RIF1: variants seen among roughly 807,000 people sequenced by gnomAD.
RIF1 encodes the protein replication timing regulatory factor 1.
Under a neutral mutation model 247.1 loss-of-function variants are expected in RIF1, and 45 were observed. That is an observed-to-expected ratio of 0.18 (90% CI 0.14 to 0.23). The LOEUF is 0.23. Ranked by LOEUF, RIF1 falls within the 10% of genes least tolerant of loss-of-function variation. The pLI is 1.00. For synonymous variants in RIF1, 1,087 were observed against 978.8 expected, an observed-to-expected ratio of 1.11 and a Z score of -2.06; for missense variants, 2,967 against 2,862.5, an observed-to-expected ratio of 1.04 and a Z score of -0.83.
chr2:151,422,012 A>G (rs1688262650), intron 7 of RIF1, among the ~76,000 whole-genome samples: 1 of 151,446 alleles, frequency 6.6e-6, no homozygotes, highest in African/African-American at 2.4e-5. Context: ...TTGTATTTTT[A>G]GTAGAGATGG....
chr2:151,456,497 CT>C lies in RIF1; in HGVS notation c.2610-76del. On this transcript the variant is annotated intron_variant, in intron 22 of 35. Coordinates refer to ENST00000444746, the MANE Select transcript of RIF1 (RefSeq NM_018151.5). ...TTTATATTTATTATGTCTTTATTAC[CT>C]TTTTCTTAGGATTAGCTTGATAGAT... 4 of 758,336 alleles carry C rather than the reference CT, an allele frequency of 5.3e-6. No individual in the cohort carries two copies. The Admixed American group carries it at 8.5e-5, about 16-fold the overall frequency. The allele number at this position is 758,336 out of a possible 1,614,324, so 47.0% of individuals were successfully genotyped here.
Position 151,456,756 on chromosome 2 carries a change from G to A in RIF1, c.2652+136G>A, listed in dbSNP as rs867571615. 60 of 523,218 alleles carry A rather than the reference G, an allele frequency of 1.1e-4. No individual in the cohort carries two copies. In the South Asian group the frequency reaches 1.6e-3, roughly 14 times the overall value. The allele number at this position is 523,218 out of a possible 1,614,324, so 32.4% of individuals were successfully genotyped here. A position where few individuals can be genotyped will look rare whatever the true frequency, so the allele number is the denominator to read the frequency against. The stretch of plus-strand genomic sequence containing the variant: ...TTTCTTTCTTTTTTTCCTGGAGACA[G>A]CATTTTGCTCTTGTCACCCAAGCTG... On this transcript the variant is annotated intron_variant, in intron 23 of 35. Coordinates refer to ENST00000444746, the MANE Select transcript of RIF1 (RefSeq NM_018151.5).
chr2:151,524,947 T>A, the RIF1 span, among the ~76,000 whole-genome samples: 1 of 152,170 alleles, frequency 6.6e-6, no homozygotes, highest in Non-Finnish European at 1.5e-5. Flanking sequence ...ATTATAGGCA[T>A]GAGCCACCAC....
chr2:151,522,810 C>G, the RIF1 span, among the ~76,000 whole-genome samples: 1 of 152,210 alleles, frequency 6.6e-6, no homozygotes, highest in African/African-American at 2.4e-5. Context: ...GCCGTGCCCT[C>G]TCCTTTGGCC....
the RIF1 span, among the ~76,000 whole-genome samples, chr2:151,528,987 C>T: frequency 6.6e-6 from 1 of 152,194 alleles, no homozygotes; most frequent in Non-Finnish European, 1.5e-5. Context: ...GGTGTAGCAT[C>T]CATGGCATGG....
rs778085124 is a variant in RIF1, at chr2:151,454,887, G to GT, written c.2345-3dup. ...TGAGTTTTTAATTAATTCAGTTTTT[G>GT]TTTTTAGCACCACAGAGACCTTCAG... On this transcript the variant is annotated splice_region_variant and splice_polypyrimidine_tract_variant and intron_variant, in intron 21 of 35. Coordinates refer to ENST00000444746, the MANE Select transcript of RIF1 (RefSeq NM_018151.5). The GT allele has an allele frequency of 5.2e-6, 8 of 1,544,186 alleles. No individual in the cohort carries two copies. In the South Asian group the frequency reaches 6.3e-5, roughly 12 times the overall value.
chr2:151,494,096 G>C, intron 9 of RIF1: 4 of 1,343,418 alleles, frequency 3.0e-6, no homozygotes, highest in Non-Finnish European at 4.2e-6. Context: ...ACAGGGTTAG[G>C]AGCAGGCCAA....
In RIF1 at chr2:151,463,977, A is replaced by C. The variant is rs762937710; in HGVS notation, c.4457A>C (p.His1486Pro). The C allele has an allele frequency of 1.2e-6, 2 of 1,608,450 alleles. No homozygotes were observed. Among genetic ancestry groups the C allele is most frequent in the Admixed American group, 1.7e-5 (1 of 58,516 alleles). Residue 1486 changes from histidine (H) to proline (P), a missense_variant, in exon 30 of 36, where the codon CAT becomes CCT. This residue lies in a region of RIF1 where 2,028 missense variants were observed against 1,825.6 expected (regional missense o/e 1.11). Transcript: ENST00000444746. ...TTAATTGAGAAAGGAAGTAATTTAC[A>C]TGAGAAGACTCTTGGGGAAACTAGT... ...ENLIEKGSNL[H>P]EKTLGETSAN...
At chr2:151,503,395 G>A in intron 12 of RIF1, 2 of 1,612,884 alleles carry the variant, frequency 1.2e-6, no homozygotes, top group South Asian at 2.2e-5. Flanking sequence ...AATCTCTGGA[G>A]TCACAGTGGT....
At chr2:151,438,819 G>A in intron 14 of RIF1, 73 bp downstream of exon 14, 1 of 887,930 alleles carries the variant, frequency 1.1e-6, no homozygotes, top group Non-Finnish European at 1.9e-6. Flanking sequence ...ATAGCATCCG[G>A]TGAATTGTTT....
intron 13 of RIF1, 61 bp downstream of exon 13, chr2:151,437,412 C>G (rs968499948): frequency 7.9e-7 from 1 of 1,273,078 alleles, no homozygotes; most frequent in Non-Finnish European, 1.1e-6. Context: ...AAAAATAGGC[C>G]AGTCACAGTA....
Position 151,507,621 on chromosome 2 carries a change from CTCTA to C in RIF1, c.*1028-105_*1028-102del, listed in dbSNP as rs373850463. On this transcript the variant is annotated intron_variant and NMD_transcript_variant, in intron 13 of 13. Coordinates refer to the RIF1 transcript ENST00000454583. Reference sequence around the variant, plus strand: ...TCTTTGTCCAATCACACTTCCGCATCTCTATCCATAAAAATACACATATTTCCCT... The same window carrying C: ...TCTTTGTCCAATCACACTTCCGCATCTCCATAAAAATACACATATTTCCCT... 45 of 214,554 alleles carry C rather than the reference CTCTA, an allele frequency of 2.1e-4. No individual in the cohort carries two copies. In the East Asian group the frequency reaches 3.4e-3, roughly 16 times the overall value. 13.3% of individuals were successfully genotyped at this position (214,554 alleles called of 1,614,324 possible). A position where few individuals can be genotyped will look rare whatever the true frequency, so the allele number is the denominator to read the frequency against.
Position 151,475,193 on chromosome 2 carries a change from A to G in RIF1, c.*122A>G, listed in dbSNP as rs2048868764. ...CTCTTTGCAAAGTTGATAACATTTC[A>G]AACCCTGAAGGACAGTGACTTATTA... On this transcript the variant is annotated 3_prime_UTR_variant, in exon 36 of 36. Transcript: ENST00000444746. The G allele has an allele frequency of 1.4e-6, 1 of 709,582 alleles. No individual in the cohort carries two copies. The highest frequency in any genetic ancestry group is 1.8e-5 in the African/African-American group (1 of 56,004). The allele number at this position is 709,582 out of a possible 1,614,324, so 44.0% of individuals were successfully genotyped here.
chr2:151,424,676 C>T (rs972139629), intron 8 of RIF1, among the ~76,000 whole-genome samples: 2 of 151,442 alleles, frequency 1.3e-5, no homozygotes, highest in Non-Finnish European at 2.9e-5. Flanking sequence ...GCTCCAAACT[C>T]TTTTTTTGAG....
At chr2:151,524,573 GT>G in the RIF1 span, 1 of 1,607,832 alleles carries the variant, frequency 6.2e-7, no homozygotes, top group Non-Finnish European at 8.5e-7. Flanking sequence ...ATCAGCCACT[GT>G]GGTGTAATGC....
chr2:151,510,857 A>C (rs1013712014), downstream of RIF1, among the ~76,000 whole-genome samples: 6 of 152,352 alleles, frequency 3.9e-5, no homozygotes, highest in South Asian at 1.2e-3. Flanking sequence ...GTCAGCTTAC[A>C]TTGCTTGTAT....
At chr2:151,483,813 C>A (rs758533528), downstream of RIF1, among the ~76,000 whole-genome samples, 1 of 152,076 alleles carries the variant, frequency 6.6e-6, no homozygotes, top group African/African-American at 2.4e-5. Context: ...GCTCACTGGC[C>A]GCAGTAAATT....
In RIF1 at chr2:151,482,123, A is replaced by AT. The variant is rs35548873; in HGVS notation, c.*7059dup. The AT allele has an allele frequency of 1.3e-5, 2 of 152,170 alleles. No individual in the cohort carries two copies. The highest frequency in any genetic ancestry group is 2.9e-5 in the Non-Finnish European group (2 of 68,020). The allele number at this position is 152,170 out of a possible 1,614,324, so 9.4% of individuals were successfully genotyped here. A position where few individuals can be genotyped will look rare whatever the true frequency, so the allele number is the denominator to read the frequency against. ...GCCAATGGAAACTGGATATTGAAACATTTTTTTAAGAAATGCACTTTTACC... is the reference window on the plus strand; with the variant it reads ...GCCAATGGAAACTGGATATTGAAACATTTTTTTTAAGAAATGCACTTTTACC... On this transcript the variant is annotated 3_prime_UTR_variant, in exon 36 of 36. Coordinates refer to ENST00000444746, the MANE Select transcript of RIF1 (RefSeq NM_018151.5).
Position 151,415,588 on chromosome 2 carries a change from A to G in RIF1, c.280+669A>G, listed in dbSNP as rs1280905096. Among the ~76,000 whole-genome samples, 4 of 13,704 alleles carry G rather than the reference A, an allele frequency of 2.9e-4. No individual in the cohort carries two copies. The Non-Finnish European group carries it at 6.6e-3, about 23-fold the overall frequency. 9.0% of individuals were successfully genotyped at this position (13,704 alleles called of 152,430 possible). A position where few individuals can be genotyped will look rare whatever the true frequency, so the allele number is the denominator to read the frequency against. On this transcript the variant is annotated intron_variant, in intron 4 of 35. Coordinates refer to ENST00000444746, the MANE Select transcript of RIF1 (RefSeq NM_018151.5). ...CAAAAAAAAAAAAAAAAAAAAAAGG[A>G]TATTGCTGGGTGCAGTGTCTCATGC...
Sources: allele counts gnomAD v4.1 joint callset (sites outside exome capture counted in the v4.1 genomes callset), GRCh38; gene constraint gnomAD v4.1.1; regional missense constraint gnomAD v4.1.1; transcripts MANE v1.5; gene names NCBI Gene and HGNC (gene_info 2026-07-23, HGNC 2026-07-21).